Variants in MFHAS1 observed in about 807,000 individuals in gnomAD.
The protein encoded by MFHAS1 is multifunctional ROCO family signaling regulator 1, also known as malignant fibrous histiocytoma-amplified sequence 1.
MFHAS1 carries 50 observed loss-of-function variants against 70.4 expected under a neutral mutation model. The observed-to-expected ratio is 0.71, with a 90% CI of 0.57 to 0.90. The LOEUF (loss-of-function observed/expected upper bound fraction) is 0.90, where lower values mean the gene tolerates loss of function less well. MFHAS1 is among the 40% of genes least tolerant of loss of function. The pLI, the probability that MFHAS1 is intolerant of heterozygous loss-of-function variation, is 0.00. For missense variants in MFHAS1, 1,795 were observed against 1,347.6 expected (o/e 1.33, Z -5.20); for synonymous variants, 952 against 620.0 (o/e 1.54, Z -7.96).
At chr8:8,848,428 C>T (rs1217658419) in intron 1 of MFHAS1, among the ~76,000 whole-genome samples, 1 of 151,854 alleles carries the variant, frequency 6.6e-6, no homozygotes, top group African/African-American at 2.4e-5. Flanking sequence ...CCATGCCATC[C>T]CACTTCATTT....
intron 1 of MFHAS1, among the ~76,000 whole-genome samples, chr8:8,825,906 A>C (rs1007937635): frequency 1.3e-5 from 2 of 152,064 alleles, no homozygotes; most frequent in Non-Finnish European, 2.9e-5. Context: ...TAACTGGAGG[A>C]GGCTCAGAGG....
At chr8:8,812,790 T>C (rs1485146963) in intron 1 of MFHAS1, among the ~76,000 whole-genome samples, 1 of 123,138 alleles carries the variant, frequency 8.1e-6, no homozygotes, top group Non-Finnish European at 1.6e-5. Context: ...CTTTTTGATA[T>C]AGAGTCTCGC....
rs371405196 is a variant in MFHAS1 at position 8,891,714 on chromosome 8, G to T, written c.1345C>A (p.Pro449Thr). Residue 449 changes from proline to threonine, a missense_variant, in exon 1 of 3, where the codon CCG becomes ACG. Physicochemically the swap from Pro to Thr is conservative, Grantham distance 38. Transcript: ENST00000276282. This position sits in a 1 kb window ranked among gnomAD's most constrained non-coding sequence, Gnocchi z 5.4. ...GGGDKEKCYP[P>T]SPPPVSKGIE... ...CCCTTGCTCACAGGGGGAGGTGACGGTGGGTAGCACTTCTCCTTGTCCCCT... is the reference window on the plus strand; with the variant it reads ...CCCTTGCTCACAGGGGGAGGTGACGTTGGGTAGCACTTCTCCTTGTCCCCT... 1 of 1,613,468 alleles carries T rather than the reference G, an allele frequency of 6.2e-7. No homozygotes were observed. The highest frequency in any genetic ancestry group is 8.5e-7 in the Non-Finnish European group (1 of 1,180,022).
rs569887721 is a variant in MFHAS1 at position 8,848,922 on chromosome 8, G to A, written c.2998+41139C>T. Among the ~76,000 whole-genome samples the A allele has an allele frequency of 2.0e-5, 3 of 152,028 alleles. No individual in the cohort carries two copies. In the South Asian group the frequency reaches 6.2e-4, roughly 32 times the overall value. ...TTTTTTCTTCTGAAGGTAGGAAGAG[G>A]GATTTACTTCTGAATTCAAAACACT... is the stretch of plus-strand genomic sequence containing the variant. On this transcript the variant is annotated intron_variant, in intron 1 of 2. Transcript: ENST00000276282.
Position 8,890,999 on chromosome 8 carries a change from GCCGAGTCCCA to G in MFHAS1, c.2050_2059del (p.Trp684ArgfsTer9). On this transcript the variant is annotated frameshift_variant, in exon 1 of 3. Coordinates refer to ENST00000276282, the MANE Select transcript of MFHAS1 (RefSeq NM_004225.3). LOFTEE classifies it high-confidence loss of function. ...CAGACCCGCCTGCAGGCCCAAGCGC[GCCGAGTCCCA>G]CCAGCTTAGCCACAGTCGCTGGGCC... 1 of 1,613,882 alleles carries G rather than the reference GCCGAGTCCCA, an allele frequency of 6.2e-7. No individual in the cohort carries two copies. Among genetic ancestry groups the G allele is most frequent in the Non-Finnish European group, 8.5e-7 (1 of 1,179,990 alleles).
chr8:8,822,489 C>T (rs1359656617), intron 1 of MFHAS1, among the ~76,000 whole-genome samples: 2 of 144,142 alleles, frequency 1.4e-5, no homozygotes, highest in African/African-American at 5.2e-5. Flanking sequence ...AGACAGGGAC[C>T]CAAGTCAGGG....
At chr8:8,829,623 G>A (rs980447949) in intron 1 of MFHAS1, among the ~76,000 whole-genome samples, 1 of 152,220 alleles carries the variant, frequency 6.6e-6, no homozygotes, top group Admixed American at 6.5e-5. Flanking sequence ...GGAGGTTGCA[G>A]TGAGCCGAGA....
At chr8:8,831,344 T>C (rs1469039429) in intron 1 of MFHAS1, among the ~76,000 whole-genome samples, 3 of 152,056 alleles carry the variant, frequency 2.0e-5, no homozygotes, top group Non-Finnish European at 4.4e-5. Context: ...CTTACTTCAT[T>C]TTTCCAATAT....
At chr8:8,798,912 G>T (rs7817226) in intron 1 of MFHAS1, among the ~76,000 whole-genome samples, 1 of 152,108 alleles carries the variant, frequency 6.6e-6, no homozygotes, top group African/African-American at 2.4e-5. Context: ...CTAGGCATTT[G>T]TGGCAGGTGC....
rs994006753 is a variant in MFHAS1, at chr8:8,891,984, C to T, written c.1075G>A (p.Asp359Asn). Residue 359 changes from aspartate (D) to asparagine (N), a missense_variant, in exon 1 of 3, where the codon GAC (aspartate) becomes AAC (asparagine). By Grantham distance (23) the Asp-to-Asn change is conservative (BLOSUM62 1). Transcript: ENST00000276282. This position sits in a 1 kb window ranked among gnomAD's most constrained non-coding sequence, Gnocchi z 5.4. ...ACCCGGGAGAGCTGGCCAAAGTGGT[C>T]GGGCAGCACCGCGATCTGGTTCCCC... ...LQGNQIAVLP[D>N]HFGQLSRVGL... 3.7e-6 allele frequency: 6 copies of T among 1,612,942 alleles called. No homozygotes were observed. The East Asian group carries it at 6.7e-5, about 18-fold the overall frequency.
At chr8:8,869,180 C>T (rs374192156) in intron 1 of MFHAS1, among the ~76,000 whole-genome samples, 4 of 152,130 alleles carry the variant, frequency 2.6e-5, no homozygotes, top group African/African-American at 9.7e-5. Context: ...CCACCCTCCC[C>T]AAAGTTGATA....
intron 1 of MFHAS1, among the ~76,000 whole-genome samples, chr8:8,888,646 T>A (rs1018343303): frequency 6.6e-6 from 1 of 152,126 alleles, no homozygotes; most frequent in African/African-American, 2.4e-5. Context: ...AAATCCCATA[T>A]AAGTAAAACG....
chr8:8,889,962 C>T, intron 1 of MFHAS1, 99 bp downstream of exon 1: 1 of 1,014,110 alleles, frequency 9.9e-7, no homozygotes, highest in Non-Finnish European at 1.4e-6. Context: ...CTGGAGAACC[C>T]GTGAAGTTAA....
chr8:8,868,322 T>C (rs910801205), intron 1 of MFHAS1, among the ~76,000 whole-genome samples: 2 of 151,376 alleles, frequency 1.3e-5, no homozygotes, highest in Non-Finnish European at 2.9e-5. Context: ...GCTAATAATA[T>C]AGACAAACTA....
intron 1 of MFHAS1, among the ~76,000 whole-genome samples, chr8:8,852,492 C>T (rs945420531): frequency 2.8e-5 from 2 of 71,674 alleles, no homozygotes; most frequent in Admixed American, 4.3e-4. Context: ...CACACACACA[C>T]ATACACACAA....
intron 2 of MFHAS1, among the ~76,000 whole-genome samples, chr8:8,786,307 T>C (rs1200938068): frequency 1.3e-5 from 2 of 152,236 alleles, no homozygotes; most frequent in African/African-American, 4.8e-5. Context: ...AAGAGGGAAC[T>C]GTACTAACTG....
In MFHAS1 at chr8:8,891,834, G is replaced by C; in HGVS notation, c.1225C>G (p.Arg409Gly). The C allele has an allele frequency of 1.2e-6, 2 of 1,612,948 alleles. No individual in the cohort carries two copies. Among genetic ancestry groups the C allele is most frequent in the Non-Finnish European group, 1.7e-6 (2 of 1,179,870 alleles). ...TGCCCCATCAGGAGCAGCTTGAGCC[G>C]GGGCTGCACCGCCGGCTGGGAATGA... ...LAHSQPAVQP[R>G]LKLLLMGHKA... Residue 409 changes from arginine to glycine, a missense_variant, in exon 1 of 3, where the codon CGG (arginine) becomes GGG (glycine). Coordinates refer to ENST00000276282, the MANE Select transcript of MFHAS1 (RefSeq NM_004225.3). The surrounding 1 kb of genome is among the most constrained non-coding windows in gnomAD (Gnocchi z 5.4).
chr8:8,795,214 G>C (rs948279327), intron 2 of MFHAS1, among the ~76,000 whole-genome samples: 4 of 151,900 alleles, frequency 2.6e-5, no homozygotes, highest in African/African-American at 7.3e-5. Flanking sequence ...TTAAAAAAAA[G>C]AGACAGAAGA....
In MFHAS1 at chr8:8,797,231, A is replaced by G. The variant is rs575475615; in HGVS notation, c.3125+134T>C. The G allele has an allele frequency of 8.4e-4, 757 of 899,430 alleles. 2 individuals carry two copies. In the African/African-American group the frequency reaches 0.011, roughly 14 times the overall value. The allele number at this position is 899,430 out of a possible 1,614,324, so 55.7% of individuals were successfully genotyped here. A position where few individuals can be genotyped will look rare whatever the true frequency, so the allele number is the denominator to read the frequency against. On this transcript the variant is annotated intron_variant, in intron 2 of 2. Transcript: ENST00000276282. Reference sequence around the variant, plus strand: ...ATAAATCATGATGCTGATGTCATCCAGAAGAATTATGTCTGTTCAGGAGGA... The same window carrying G: ...ATAAATCATGATGCTGATGTCATCCGGAAGAATTATGTCTGTTCAGGAGGA...
Sources: gnomAD v4.1 joint callset for allele counts (sites outside exome capture counted in the v4.1 genomes callset) on GRCh38, gnomAD v4.1.1 for gene constraint, Gnocchi (gnomAD v3.1) non-coding constraint, MANE v1.5 for transcripts, NCBI Gene and HGNC (gene_info 2026-07-23, HGNC 2026-07-21) for gene names.